ARAP2: variants seen among roughly 807,000 people sequenced by gnomAD.
ARAP2 encodes the protein ArfGAP with RhoGAP domain, ankyrin repeat and PH domain 2.
In ARAP2, 148 loss-of-function variants were observed where a neutral mutation model predicts 194.5. The observed-to-expected ratio is 0.76, with a 90% CI of 0.67 to 0.87. The LOEUF (loss-of-function observed/expected upper bound fraction) is 0.87. Among genes scored for constraint, ARAP2 ranks in the 40% least tolerant of loss-of-function variants. The pLI, the probability that ARAP2 is intolerant of heterozygous loss-of-function variation, is 0.00. For synonymous variants in ARAP2, 695 were observed against 683.5 expected, an observed-to-expected ratio of 1.02 and a Z score of -0.26; for missense variants, 2,128 against 1,989.7, an observed-to-expected ratio of 1.07 and a Z score of -1.32.
intron 8 of ARAP2, among the ~76,000 whole-genome samples, chr4:36,014,264 A>AGAAC (rs1715188694): frequency 2.7e-5 from 4 of 146,012 alleles, no homozygotes; most frequent in African/African-American, 7.9e-5. Flanking sequence ...AAAGAAAGAA[A>AGAAC]GAAAGAAAGA....
chr4:36,029,572 T>C (rs940894844), intron 5 of ARAP2, among the ~76,000 whole-genome samples: 2 of 152,062 alleles, frequency 1.3e-5, no homozygotes, highest in African/African-American at 2.4e-5. Context: ...AAAATGTTAT[T>C]TCTTTTAATA....
intron 2 of ARAP2, among the ~76,000 whole-genome samples, chr4:36,055,045 T>C (rs1271540526): frequency 6.6e-6 from 1 of 152,212 alleles, no homozygotes; most frequent in African/African-American, 2.4e-5. Flanking sequence ...AAATACGTAA[T>C]AACCCTAAGG....
In ARAP2 at chr4:36,053,335, T is replaced by A. The variant is rs75450347; in HGVS notation, n.322-1282A>T. On this transcript the variant is annotated intron_variant and non_coding_transcript_variant, in intron 2 of 12. Coordinates refer to the ARAP2 transcript ENST00000503225. ...GCAGTTTTTTATAAAAAAAAAAAAA[T>A]TTACATGAAATGAAATACACCTATC... 6.7e-3 allele frequency among the ~76,000 whole-genome samples: 1,013 copies of A among 151,472 alleles called. 18 individuals are homozygous for A. Among genetic ancestry groups the A allele is most frequent in the African/African-American group, 0.023 (955 of 41,054 alleles).
At chr4:36,236,205 G>A (rs540203919) in intron 1 of ARAP2, among the ~76,000 whole-genome samples, 1 of 151,256 alleles carries the variant, frequency 6.6e-6, no homozygotes, top group South Asian at 2.1e-4. Flanking sequence ...AAATTAATGG[G>A]TTGGACAAGC....
intron 10 of ARAP2, among the ~76,000 whole-genome samples, chr4:36,165,569 A>C (rs1331779668): frequency 1.3e-5 from 2 of 152,152 alleles, no homozygotes; most frequent in East Asian, 3.9e-4. Flanking sequence ...ATTTAAGAAT[A>C]GATTCTTTTT....
At chr4:36,199,049 G>T (rs1743799692) in intron 6 of ARAP2, among the ~76,000 whole-genome samples, 1 of 152,228 alleles carries the variant, frequency 6.6e-6, no homozygotes, top group Admixed American at 6.5e-5. Flanking sequence ...CACCCGAGGA[G>T]CTCCCACCTT....
chr4:36,128,504 A>ACACACG (rs61406580), intron 21 of ARAP2, 29 bp downstream of exon 21: 2 of 1,532,600 alleles, frequency 1.3e-6, no homozygotes, highest in Admixed American at 3.4e-5. Flanking sequence ...ACACACACAC[A>ACACACG]TATCTACAAA....
At chr4:36,042,482 T>C (rs1031573381) in intron 5 of ARAP2, among the ~76,000 whole-genome samples, 19 of 152,228 alleles carry the variant, frequency 1.2e-4, no homozygotes, top group Non-Finnish European at 2.1e-4. Context: ...AACACAATTA[T>C]GGGACTGTTC....
At chr4:36,043,664 G>T (rs895014556) in intron 5 of ARAP2, among the ~76,000 whole-genome samples, 2 of 151,764 alleles carry the variant, frequency 1.3e-5, no homozygotes, top group African/African-American at 4.8e-5. Flanking sequence ...GCTATGTGAG[G>T]ATCATGTAAA....
At chr4:36,196,291 C>A (rs908927288) in intron 6 of ARAP2, among the ~76,000 whole-genome samples, 3 of 151,972 alleles carry the variant, frequency 2.0e-5, no homozygotes, top group Non-Finnish European at 1.5e-5. Context: ...TATTTGTGTC[C>A]ACAGAAAAAG....
At chr4:36,089,579 T>G (rs1204398372) in intron 28 of ARAP2, among the ~76,000 whole-genome samples, 1 of 152,148 alleles carries the variant, frequency 6.6e-6, no homozygotes, top group East Asian at 1.9e-4. Context: ...CTAATTACTC[T>G]ACATCATTTT....
chr4:36,068,585 G>A (rs1011743337), intron 32 of ARAP2, among the ~76,000 whole-genome samples: 5 of 152,120 alleles, frequency 3.3e-5, no homozygotes, highest in Admixed American at 6.5e-5. Context: ...TCTTTTCCCC[G>A]GTTAGTGATG....
chr4:36,086,339 A>C (rs983111041), intron 28 of ARAP2, among the ~76,000 whole-genome samples: 1 of 152,080 alleles, frequency 6.6e-6, no homozygotes, highest in Non-Finnish European at 1.5e-5. Flanking sequence ...GTAGATTGAG[A>C]GTCTGAGGGA....
chr4:36,241,376 C>T (rs753955027), intron 1 of ARAP2, among the ~76,000 whole-genome samples: 6 of 152,116 alleles, frequency 3.9e-5, no homozygotes, highest in Non-Finnish European at 7.4e-5. Flanking sequence ...TTTCAGAAAA[C>T]GTCTCCTACC....
At chr4:36,042,054 G>GA (rs1456108971) in intron 5 of ARAP2, among the ~76,000 whole-genome samples, 1 of 152,074 alleles carries the variant, frequency 6.6e-6, no homozygotes, top group Non-Finnish European at 1.5e-5. Context: ...GAGAGCAGCA[G>GA]AAAAAATAAT....
chr4:36,170,277 T>TAA (rs1188750509), intron 9 of ARAP2, among the ~76,000 whole-genome samples: 1 of 152,210 alleles, frequency 6.6e-6, no homozygotes, highest in Non-Finnish European at 1.5e-5. Context: ...ATGCAATATG[T>TAA]AACTATCAAG....
At chr4:36,159,648 G>A in intron 13 of ARAP2, 143 bp from the exon 14 acceptor site, 3 of 721,124 alleles carry the variant, frequency 4.2e-6, no homozygotes, top group Non-Finnish European at 5.8e-6. Context: ...ATTATGCCAT[G>A]AATTAGGCAA....
intron 21 of ARAP2, among the ~76,000 whole-genome samples, chr4:36,127,372 A>G (rs1421245070): frequency 6.6e-6 from 1 of 152,026 alleles, no homozygotes; most frequent in Non-Finnish European, 1.5e-5. Flanking sequence ...AAACATTAGA[A>G]GGCAAATGAA....
chr4:36,210,669 T>G lies in ARAP2; in HGVS notation c.1208A>C (p.Asn403Thr). Residue 403 changes from asparagine to threonine, a missense_variant, in exon 6 of 33, where the codon AAC (asparagine) becomes ACC (threonine). Physicochemically the swap from Asn to Thr is moderately conservative, Grantham distance 65. Transcript: ENST00000303965. Reference protein sequence around the residue: ...EDIWIPREDKNNFLIDTASES... With the variant: ...EDIWIPREDKTNFLIDTASES... ...AGAAGCAGTGTCTATCAAAAAATTGTTTTTGTCCTCTCGAGGTATCCAAAT... is the reference window on the plus strand; with the variant it reads ...AGAAGCAGTGTCTATCAAAAAATTGGTTTTGTCCTCTCGAGGTATCCAAAT... 6.2e-7 allele frequency: 1 copy of G among 1,613,628 alleles called. No individual in the cohort carries two copies. The highest frequency in any genetic ancestry group is 8.5e-7 in the Non-Finnish European group (1 of 1,179,834).
Sources: allele counts gnomAD v4.1 joint callset (sites outside exome capture counted in the v4.1 genomes callset), GRCh38; gene constraint gnomAD v4.1.1; transcripts MANE v1.5; gene names NCBI Gene and HGNC (gene_info 2026-07-23, HGNC 2026-07-21).